The following NELL1 variants were observed in gnomAD, a reference collection of about 807,000 sequenced individuals.
NELL1 encodes the protein protein kinase C-binding protein NELL1.
In NELL1, 76 loss-of-function variants were observed where a neutral mutation model predicts 107.4. The ratio of observed to expected loss-of-function variants is 0.71; its 90% confidence interval spans 0.59 to 0.86. The LOEUF is 0.86. Ranked by LOEUF, NELL1 falls within the 40% of genes least tolerant of loss-of-function variation. The pLI is 0.00. For missense variants in NELL1, 1,024 were observed against 1,005.5 expected (o/e 1.02, Z -0.25); for synonymous variants, 353 against 341.2 (o/e 1.03, Z -0.38).
At chr11:21,038,168 A>G (rs1346516979) in intron 12 of NELL1, among the ~76,000 whole-genome samples, 1 of 152,188 alleles carries the variant, frequency 6.6e-6, no homozygotes, top group Non-Finnish European at 1.5e-5. Context: ...ATCAGGGCAC[A>G]AAGGATTATT....
At chr11:21,215,534 A>C (rs1205956947) in intron 13 of NELL1, among the ~76,000 whole-genome samples, 1 of 152,156 alleles carries the variant, frequency 6.6e-6, no homozygotes, top group Non-Finnish European at 1.5e-5. Flanking sequence ...AACTATGGGA[A>C]AGTTTGGAAC....
intron 15 of NELL1, among the ~76,000 whole-genome samples, chr11:21,391,413 T>A (rs1437329097): frequency 6.6e-6 from 1 of 151,778 alleles, no homozygotes; most frequent in Non-Finnish European, 1.5e-5. Flanking sequence ...TTCTGGGACT[T>A]AAAAAAATGT....
At chr11:20,684,245 A>C (rs1590202618) in intron 2 of NELL1, among the ~76,000 whole-genome samples, 1 of 152,050 alleles carries the variant, frequency 6.6e-6, no homozygotes, top group East Asian at 1.9e-4. Context: ...TCATCTCTAC[A>C]AAAAATAAAA....
chr11:20,772,142 C>T (rs563647626), intron 2 of NELL1, among the ~76,000 whole-genome samples: 4 of 152,204 alleles, frequency 2.6e-5, no homozygotes, highest in African/African-American at 9.6e-5. Flanking sequence ...TAGGACCGTG[C>T]ACAAAAGGGA....
chr11:21,075,835 T>A (rs1854122338), intron 12 of NELL1, among the ~76,000 whole-genome samples: 1 of 152,184 alleles, frequency 6.6e-6, no homozygotes, highest in Admixed American at 6.5e-5. Context: ...TCCTTTTATT[T>A]TTCTATAATC....
At chr11:21,328,708 G>T (rs1277225246) in intron 14 of NELL1, among the ~76,000 whole-genome samples, 1 of 152,134 alleles carries the variant, frequency 6.6e-6, no homozygotes, top group African/African-American at 2.4e-5. Context: ...AGCCACAGAG[G>T]CAGAGCTGCC....
At chr11:21,017,536 G>T (rs904015498) in intron 12 of NELL1, among the ~76,000 whole-genome samples, 1 of 152,004 alleles carries the variant, frequency 6.6e-6, no homozygotes, top group Non-Finnish European at 1.5e-5. Flanking sequence ...ACCCTGAGTG[G>T]TGCAATGTTC....
At chr11:21,106,385 G>A (rs1000197924) in intron 12 of NELL1, among the ~76,000 whole-genome samples, 6 of 152,118 alleles carry the variant, frequency 3.9e-5, no homozygotes, top group African/African-American at 9.7e-5. Flanking sequence ...TCCATTTAAA[G>A]CACTTAAAAC....
At chr11:20,730,516 G>A (rs1196471616) in intron 2 of NELL1, among the ~76,000 whole-genome samples, 2 of 152,122 alleles carry the variant, frequency 1.3e-5, no homozygotes, top group Non-Finnish European at 2.9e-5. Context: ...TGGCAGAATC[G>A]GTACTTGAAC....
intron 13 of NELL1, among the ~76,000 whole-genome samples, chr11:21,186,105 AAATT>A (rs1856929251): frequency 6.6e-6 from 1 of 151,814 alleles, no homozygotes; most frequent in African/African-American, 2.4e-5. Context: ...TCAAGAGTCA[AAATT>A]GAATGAAAGG....
intron 12 of NELL1, among the ~76,000 whole-genome samples, chr11:21,087,630 C>A (rs1854426309): frequency 6.6e-6 from 1 of 152,020 alleles, no homozygotes. Context: ...CTTTAAACAC[C>A]AGGGTCAGCT....
intron 2 of NELL1, among the ~76,000 whole-genome samples, chr11:20,745,736 A>T (rs940038076): frequency 6.6e-6 from 1 of 152,184 alleles, no homozygotes; most frequent in African/African-American, 2.4e-5. Context: ...CTTATGGTCT[A>T]CCACTGGGTG....
At chr11:20,918,291 A>C in intron 6 of NELL1, 37 bp downstream of exon 6, 1 of 1,238,610 alleles carries the variant, frequency 8.1e-7, no homozygotes, top group Non-Finnish European at 1.2e-6. Flanking sequence ...TATATTATAT[A>C]ACTTGTTGAT....
chr11:20,678,220 C>T (rs1049306822), intron 2 of NELL1, among the ~76,000 whole-genome samples, 160 bp downstream of exon 2: 2 of 151,894 alleles, frequency 1.3e-5, no homozygotes, highest in Non-Finnish European at 2.9e-5. Context: ...ATTCTGAGGG[C>T]AGGAGGGAGG....
chr11:20,939,644 C>T (rs1335123947), intron 10 of NELL1, among the ~76,000 whole-genome samples: 1 of 152,132 alleles, frequency 6.6e-6, no homozygotes, highest in Non-Finnish European at 1.5e-5. Flanking sequence ...GGAATTATCA[C>T]CCCATTAAGA....
At chr11:21,117,079 T>A (rs1363919999) in intron 13 of NELL1, among the ~76,000 whole-genome samples, 2 of 152,016 alleles carry the variant, frequency 1.3e-5, no homozygotes, top group African/African-American at 2.4e-5. Flanking sequence ...AGCTTGTTTC[T>A]GTTTGTTAAG....
chr11:21,210,395 TTATC>T (rs1240272391), intron 13 of NELL1, among the ~76,000 whole-genome samples: 1 of 152,158 alleles, frequency 6.6e-6, no homozygotes, highest in Non-Finnish European at 1.5e-5. Flanking sequence ...CAACTTATTG[TTATC>T]TATCCTTTTT....
intron 4 of NELL1, among the ~76,000 whole-genome samples, chr11:20,866,822 C>T (rs770016777): frequency 1.6e-4 from 25 of 152,176 alleles, no homozygotes; most frequent in African/African-American, 5.6e-4. Flanking sequence ...TGATGTCTCT[C>T]ATTCTTTCCT....
At chr11:21,225,622 G>A (rs780440079) in intron 13 of NELL1, among the ~76,000 whole-genome samples, 1 of 152,122 alleles carries the variant, frequency 6.6e-6, no homozygotes, top group Non-Finnish European at 1.5e-5. Flanking sequence ...TGTCAGGGAG[G>A]TGAGTGCTGG....
Sources: gnomAD v4.1 joint callset for allele counts (sites outside exome capture counted in the v4.1 genomes callset) on GRCh38, gnomAD v4.1.1 for gene constraint, MANE v1.5 for transcripts, NCBI Gene and HGNC (gene_info 2026-07-23, HGNC 2026-07-21) for gene names.